Variants in CCSER1 observed in about 807,000 individuals in gnomAD.
The protein encoded by CCSER1 is coiled-coil serine rich protein 1.
CCSER1 carries 41 observed loss-of-function variants against 82.0 expected under a neutral mutation model. The observed-to-expected ratio is 0.50, with a 90% confidence interval of 0.39 to 0.65. CCSER1 has a LOEUF of 0.65. Ranked by LOEUF, CCSER1 falls within the 30% of genes least tolerant of loss-of-function variation. The pLI is 0.00. For synonymous variants in CCSER1, 414 were observed against 383.9 expected, an observed-to-expected ratio of 1.08 and a Z score of -0.92; for missense variants, 1,119 against 1,064.2, an observed-to-expected ratio of 1.05 and a Z score of -0.72.
chr4:90,986,967 A>G (rs17265591), intron 9 of CCSER1, among the ~76,000 whole-genome samples: 3,166 of 151,716 alleles, frequency 0.021, 64 homozygotes, highest in Admixed American at 0.031. Flanking sequence ...ACCTCGGGTT[A>G]GACACGTACT....
intron 10 of CCSER1, among the ~76,000 whole-genome samples, chr4:91,525,051 A>G (rs1425642411): frequency 6.6e-6 from 1 of 152,114 alleles, no homozygotes; most frequent in African/African-American, 2.4e-5. Flanking sequence ...GGGGAATTTT[A>G]AAAATGGTCT....
intron 5 of CCSER1, among the ~76,000 whole-genome samples, chr4:90,550,111 G>A (rs541836477): frequency 6.6e-6 from 1 of 152,212 alleles, no homozygotes; most frequent in East Asian, 1.9e-4. Context: ...AAGCAGGGAA[G>A]GGGGTCCCAG....
chr4:91,356,318 G>A (rs1748830749), intron 10 of CCSER1, among the ~76,000 whole-genome samples: 1 of 152,208 alleles, frequency 6.6e-6, no homozygotes, highest in Non-Finnish European at 1.5e-5. Context: ...TTTAACTTAC[G>A]AAAAGCTCGT....
intron 5 of CCSER1, among the ~76,000 whole-genome samples, chr4:90,596,165 T>G (rs1678882493): frequency 6.6e-6 from 1 of 151,738 alleles, no homozygotes; most frequent in Admixed American, 6.6e-5. Context: ...CCTTTAAAAA[T>G]TAAACTACAA....
intron 9 of CCSER1, among the ~76,000 whole-genome samples, chr4:90,939,361 T>G (rs935261760): frequency 6.6e-6 from 1 of 152,318 alleles, no homozygotes; most frequent in Admixed American, 6.5e-5. Flanking sequence ...AAAGGGAGTC[T>G]CCTGAATGTA....
intron 10 of CCSER1, among the ~76,000 whole-genome samples, chr4:91,592,602 C>G (rs544039896): frequency 2.0e-5 from 3 of 152,060 alleles, no homozygotes; most frequent in South Asian, 2.1e-4. Flanking sequence ...GAACTGTAAC[C>G]AAGAATAATT....
intron 10 of CCSER1, among the ~76,000 whole-genome samples, chr4:91,407,499 C>T (rs955337501): frequency 6.6e-6 from 1 of 152,120 alleles, no homozygotes; most frequent in African/African-American, 2.4e-5. Context: ...GAATGAACGG[C>T]CTTTTTAGTA....
chr4:90,663,126 A>G (rs912550547), intron 6 of CCSER1, among the ~76,000 whole-genome samples: 1 of 152,210 alleles, frequency 6.6e-6, no homozygotes, highest in East Asian at 1.9e-4. Context: ...CATATGCAAT[A>G]TTTTGATAGT....
At chr4:90,529,464 A>G (rs1774215374) in intron 5 of CCSER1, among the ~76,000 whole-genome samples, 1 of 152,106 alleles carries the variant, frequency 6.6e-6, no homozygotes, top group Non-Finnish European at 1.5e-5. Context: ...TCCTGGCCTC[A>G]AGTGATCTGC....
rs111699737 is a variant in CCSER1 at position 91,168,010 on chromosome 4, C to A, written c.2217+82016C>A. Among the ~76,000 whole-genome samples the A allele has an allele frequency of 8.6e-3, 1,251 of 145,650 alleles. 14 individuals are homozygous for A. The highest frequency in any genetic ancestry group is 0.03 in the African/African-American group (1,170 of 39,276). ...GCTGCCCCATTTGGGAAGTGGGGAG[C>A]GCCTCTGCCCGGCCGCCCCATCTGG... is the stretch of plus-strand genomic sequence containing the variant. On this transcript the variant is annotated intron_variant, in intron 10 of 10. Coordinates refer to ENST00000509176, the MANE Select transcript of CCSER1 (RefSeq NM_001145065.2).
chr4:90,853,135 G>T (rs1438177001), intron 8 of CCSER1, among the ~76,000 whole-genome samples: 1 of 152,034 alleles, frequency 6.6e-6, no homozygotes, highest in African/African-American at 2.4e-5. Flanking sequence ...AAGATGTAGA[G>T]TCCTTCTTCT....
At chr4:90,313,082 A>G (rs1343419715) in intron 3 of CCSER1, 35 bp downstream of exon 3, 2 of 1,471,794 alleles carry the variant, frequency 1.4e-6, no homozygotes, top group South Asian at 2.4e-5. Flanking sequence ...CTAATAAAAT[A>G]ATGCTGTCTA....
intron 10 of CCSER1, among the ~76,000 whole-genome samples, chr4:91,251,584 CT>C (rs1266655248): frequency 6.6e-6 from 1 of 152,084 alleles, no homozygotes. Context: ...TCTGCATGTC[CT>C]ATGCCTACAC....
chr4:90,638,168 A>C (rs1478124559), intron 6 of CCSER1, among the ~76,000 whole-genome samples: 2 of 152,164 alleles, frequency 1.3e-5, no homozygotes. Context: ...TGTGTGAGTG[A>C]ACTAGGTACT....
At chr4:90,787,319 C>T (rs1214913499) in intron 7 of CCSER1, among the ~76,000 whole-genome samples, 1 of 152,136 alleles carries the variant, frequency 6.6e-6, no homozygotes, top group African/African-American at 2.4e-5. Context: ...ATCTAATGCA[C>T]CCATTATAAC....
At chr4:90,749,650 T>C (rs1267115925) in intron 7 of CCSER1, among the ~76,000 whole-genome samples, 1 of 152,146 alleles carries the variant, frequency 6.6e-6, no homozygotes, top group Non-Finnish European at 1.5e-5. Flanking sequence ...TTTCACGATA[T>C]TGATTCTTCC....
chr4:90,140,479 C>T (rs1724533338), intron 1 of CCSER1, among the ~76,000 whole-genome samples: 1 of 152,018 alleles, frequency 6.6e-6, no homozygotes, highest in Admixed American at 6.5e-5. Flanking sequence ...ACACTCACAT[C>T]AAAAACAAAT....
intron 10 of CCSER1, among the ~76,000 whole-genome samples, chr4:91,151,011 T>A (rs1332996838): frequency 6.6e-6 from 1 of 152,222 alleles, no homozygotes; most frequent in Non-Finnish European, 1.5e-5. Flanking sequence ...GATTCCCTCT[T>A]TTTTTATTGA....
intron 1 of CCSER1, among the ~76,000 whole-genome samples, chr4:90,217,129 T>C (rs28812580): frequency 0.016 from 2,415 of 152,314 alleles, 36 homozygotes; most frequent in African/African-American, 0.041. Context: ...ACATTGATTT[T>C]GTATCCTGAA....
Sources: gnomAD v4.1 joint callset for allele counts (sites outside exome capture counted in the v4.1 genomes callset) on GRCh38, gnomAD v4.1.1 for gene constraint, MANE v1.5 for transcripts, NCBI Gene and HGNC (gene_info 2026-07-23, HGNC 2026-07-21) for gene names.